Variants in CSMD1 observed in about 807,000 individuals in gnomAD.
CSMD1 encodes the protein CUB and Sushi multiple domains 1.
Under a neutral mutation model 417.5 loss-of-function variants are expected in CSMD1, and 213 were observed. That is an observed-to-expected ratio of 0.51 (90% CI 0.46 to 0.57). The LOEUF (loss-of-function observed/expected upper bound fraction) is 0.57, where lower values mean the gene tolerates loss of function less well. Ranked by LOEUF, CSMD1 falls within the 20% of genes least tolerant of loss-of-function variation. The pLI is 0.00. For synonymous variants in CSMD1, 2,862 were observed against 1,736.8 expected, an observed-to-expected ratio of 1.65 and a Z score of -16.11; for missense variants, 6,923 against 4,529.7, an observed-to-expected ratio of 1.53 and a Z score of -15.17.
At chr8:4,230,476 C>T (rs1801653582) in intron 3 of CSMD1, among the ~76,000 whole-genome samples, 1 of 152,156 alleles carries the variant, frequency 6.6e-6, no homozygotes, top group Admixed American at 6.5e-5. Flanking sequence ...AACTATTAAA[C>T]TCTGCTCAAA....
intron 4 of CSMD1, among the ~76,000 whole-genome samples, chr8:4,004,799 C>T (rs987686791): frequency 6.6e-6 from 1 of 152,108 alleles, no homozygotes; most frequent in African/African-American, 2.4e-5. Context: ...GGCTGGAGTG[C>T]AGTGGCGCGA....
intron 1 of CSMD1, among the ~76,000 whole-genome samples, chr8:4,757,649 T>C (rs1018970860): frequency 6.6e-6 from 1 of 152,038 alleles, no homozygotes; most frequent in Non-Finnish European, 1.5e-5. Context: ...GAATAACACA[T>C]CATAATTTTG....
intron 5 of CSMD1, among the ~76,000 whole-genome samples, chr8:3,817,601 G>T (rs957980615): frequency 6.6e-6 from 1 of 151,922 alleles, no homozygotes; most frequent in African/African-American, 2.4e-5. Context: ...TAGAGTCACA[G>T]AATATTTACG....
At chr8:3,011,661 T>G (rs570144427) in intron 52 of CSMD1, among the ~76,000 whole-genome samples, 1 of 152,160 alleles carries the variant, frequency 6.6e-6, no homozygotes, top group Non-Finnish European at 1.5e-5. Context: ...ATGTCCTCTA[T>G]GTGGGAAATA....
chr8:4,090,850 G>A (rs955324571), intron 3 of CSMD1, among the ~76,000 whole-genome samples: 3 of 151,862 alleles, frequency 2.0e-5, no homozygotes, highest in Admixed American at 6.6e-5. Context: ...TTTGGCGAAG[G>A]GATGCCATAA....
chr8:3,932,317 T>C (rs1342508552), intron 5 of CSMD1, among the ~76,000 whole-genome samples: 1 of 150,702 alleles, frequency 6.6e-6, no homozygotes, highest in Admixed American at 6.6e-5. Flanking sequence ...CATGTGCTCA[T>C]GGTCTTTAAA....
intron 27 of CSMD1, among the ~76,000 whole-genome samples, chr8:3,227,507 G>A (rs1363314136): frequency 6.6e-6 from 1 of 152,104 alleles, no homozygotes; most frequent in African/African-American, 2.4e-5. Context: ...AGTGCTCATT[G>A]AAGCTATCTT....
At chr8:3,625,115 T>C (rs1191887163) in intron 7 of CSMD1, among the ~76,000 whole-genome samples, 1 of 152,106 alleles carries the variant, frequency 6.6e-6, no homozygotes, top group African/African-American at 2.4e-5. Flanking sequence ...ATTTGTACAG[T>C]CTCTAGCAGT....
At chr8:4,843,074 T>C (rs747620980) in intron 1 of CSMD1, among the ~76,000 whole-genome samples, 1 of 152,174 alleles carries the variant, frequency 6.6e-6, no homozygotes, top group Non-Finnish European at 1.5e-5. Flanking sequence ...CTCTTAAAGC[T>C]AAATATAACC....
intron 3 of CSMD1, among the ~76,000 whole-genome samples, chr8:4,198,291 G>T (rs956086734): frequency 6.6e-6 from 1 of 152,246 alleles, no homozygotes; most frequent in Non-Finnish European, 1.5e-5. Context: ...AAACCCCAGA[G>T]AAGTGGCAGC....
chr8:4,451,636 G>C (rs1032739506), intron 2 of CSMD1, among the ~76,000 whole-genome samples: 1 of 152,140 alleles, frequency 6.6e-6, no homozygotes, highest in Non-Finnish European at 1.5e-5. Flanking sequence ...CTACTAGAAG[G>C]TAATGTTAGG....
chr8:4,532,856 C>T (rs1022962532), intron 2 of CSMD1, among the ~76,000 whole-genome samples: 14 of 151,098 alleles, frequency 9.3e-5, no homozygotes, highest in Admixed American at 3.3e-4. Context: ...AAATGTTGCA[C>T]CCCCATTCAG....
chr8:4,332,773 G>C (rs1001389990), intron 3 of CSMD1, among the ~76,000 whole-genome samples: 6 of 152,024 alleles, frequency 3.9e-5, no homozygotes, highest in Non-Finnish European at 5.9e-5. Context: ...TGTGATGAAT[G>C]TTCAAATTCA....
intron 2 of CSMD1, among the ~76,000 whole-genome samples, chr8:4,555,210 G>A (rs143384071): frequency 2.0e-5 from 3 of 152,196 alleles, no homozygotes; most frequent in South Asian, 4.1e-4. Flanking sequence ...AAGAATGAAT[G>A]CAGGAAGACC....
chr8:4,861,767 C>G (rs1021359772), intron 1 of CSMD1, among the ~76,000 whole-genome samples: 27 of 152,026 alleles, frequency 1.8e-4, no homozygotes, highest in Admixed American at 1.8e-3. Context: ...AACAAAATGT[C>G]TAAGATATAA....
chr8:4,824,550 T>A (rs919826105), intron 1 of CSMD1, among the ~76,000 whole-genome samples: 3 of 152,130 alleles, frequency 2.0e-5, no homozygotes, highest in African/African-American at 7.2e-5. Context: ...CTATTAATAA[T>A]TACACCACGG....
intron 6 of CSMD1, among the ~76,000 whole-genome samples, chr8:3,752,274 CT>C (rs1231548210): frequency 6.6e-6 from 1 of 152,294 alleles, no homozygotes; most frequent in East Asian, 1.9e-4. Context: ...AGGGCAGCTT[CT>C]TTGCAACCAA....
At chr8:4,337,002 C>G (rs932457171) in intron 3 of CSMD1, among the ~76,000 whole-genome samples, 1 of 152,040 alleles carries the variant, frequency 6.6e-6, no homozygotes, top group African/African-American at 2.4e-5. Context: ...GAATGGCTGA[C>G]TGGCCTGCTT....
At position 4,636,653 on chromosome 8, in the gene CSMD1, G is replaced by A. The variant is rs191533952; in HGVS notation, c.302+689C>T. 2.2e-3 allele frequency among the ~76,000 whole-genome samples: 337 copies of A among 152,282 alleles called. 1 individual carries two copies. The highest frequency in any genetic ancestry group is 6.8e-3 in the Middle Eastern group (2 of 294). ...ATTACCTTGACAACTCTGTTTCACA[G>A]ATCTTGAACAATATATCTATAAACA... On this transcript the variant is annotated intron_variant, in intron 2 of 69. Transcript: ENST00000635120.
Sources: gnomAD v4.1 joint callset for allele counts (sites outside exome capture counted in the v4.1 genomes callset) on GRCh38, gnomAD v4.1.1 for gene constraint, MANE v1.5 for transcripts, NCBI Gene and HGNC (gene_info 2026-07-23, HGNC 2026-07-21) for gene names.